CCDC197: variants seen among roughly 807,000 people sequenced by gnomAD.
CCDC197 encodes coiled-coil domain containing 197.
A neutral mutation model predicts 13.4 loss-of-function variants in CCDC197; 24 were observed. That is an observed-to-expected ratio of 1.80 (90% CI 1.30 to 2.53). The LOEUF (loss-of-function observed/expected upper bound fraction) is 2.53. CCDC197 is among the 30% of genes most tolerant of loss of function. The pLI is 0.00. For missense variants in CCDC197, 255 were observed against 148.8 expected (o/e 1.71, Z -3.71); for synonymous variants, 99 against 55.5 (o/e 1.78, Z -3.48).
At chr14:94,000,732 T>C (rs1890468791) in intron 3 of CCDC197, 1 of 156,032 alleles carries the variant, frequency 6.4e-6, no homozygotes, top group Admixed American at 6.5e-5. Context: ...ACCTTCCTAA[T>C]TCAGCAATTC....
chr14:93,999,749 T>G, intron 3 of CCDC197, 84 bp downstream of exon 3: 1 of 753,338 alleles, frequency 1.3e-6, no homozygotes, highest in Non-Finnish European at 2.5e-6. Flanking sequence ...TGTGGCCTCA[T>G]GGAGCCACGA....
At chr14:93,998,451 G>A (rs1182214953) in intron 2 of CCDC197, among the ~76,000 whole-genome samples, 1 of 152,200 alleles carries the variant, frequency 6.6e-6, no homozygotes, top group Non-Finnish European at 1.5e-5. Flanking sequence ...CTGAGATCTT[G>A]GGCCAGTCCC....
chr14:93,991,059 C>T (rs771231488), intron 1 of CCDC197, among the ~76,000 whole-genome samples: 9 of 152,156 alleles, frequency 5.9e-5, no homozygotes, highest in Non-Finnish European at 1.2e-4. Context: ...TGCTGAAGCA[C>T]GACTCTATCA....
chr14:93,992,707 C>T (rs1030361790), upstream of CCDC197, among the ~76,000 whole-genome samples: 1 of 152,218 alleles, frequency 6.6e-6, no homozygotes, highest in Admixed American at 6.5e-5. Flanking sequence ...CCTCCATCCT[C>T]CACCACGGGA....
chr14:94,002,641 T>C (rs1192837166), intron 4 of CCDC197, among the ~76,000 whole-genome samples: 2 of 152,072 alleles, frequency 1.3e-5, no homozygotes, highest in African/African-American at 2.4e-5. Flanking sequence ...TCATTCGAGG[T>C]CAGGAGTTCA....
chr14:93,999,808 T>C (rs985900296), intron 3 of CCDC197, 143 bp downstream of exon 3: 1 of 633,326 alleles, frequency 1.6e-6, no homozygotes. Context: ...CCCACAGTAG[T>C]GGGGAAGGGC....
chr14:93,994,641 A>C (rs1890253395), upstream of CCDC197, among the ~76,000 whole-genome samples: 1 of 152,200 alleles, frequency 6.6e-6, no homozygotes, highest in Non-Finnish European at 1.5e-5. Context: ...CTGGAAAACA[A>C]ATAGTGCCAC....
intron 3 of CCDC197, 147 bp from the exon 4 acceptor site, chr14:94,000,998 A>G: frequency 4.0e-6 from 2 of 506,110 alleles, no homozygotes; most frequent in Admixed American, 3.7e-5. Flanking sequence ...CAAGCCCGGG[A>G]CCATCCTACT....
At chr14:94,010,369 A>C (rs1185544583), downstream of CCDC197, among the ~76,000 whole-genome samples, 1 of 152,096 alleles carries the variant, frequency 6.6e-6, no homozygotes, top group East Asian at 1.9e-4. Context: ...ATGCCTGGCT[A>C]ATTTTTATAT....
intron 1 of CCDC197, among the ~76,000 whole-genome samples, chr14:93,990,328 G>C (rs1179223184): frequency 2.6e-5 from 4 of 152,136 alleles, no homozygotes; most frequent in African/African-American, 9.7e-5. Flanking sequence ...GGCTTTCAGA[G>C]TACCACTCTC....
chr14:94,006,714 C>T (rs1035612609), intron 6 of CCDC197, among the ~76,000 whole-genome samples: 2 of 152,012 alleles, frequency 1.3e-5, no homozygotes, highest in African/African-American at 4.8e-5. Context: ...GATACAGGTC[C>T]CTTATCAAAT....
intron 4 of CCDC197, 32 bp downstream of exon 4, chr14:94,001,355 C>G (rs1168075416): frequency 5.6e-6 from 4 of 718,848 alleles, no homozygotes; most frequent in Non-Finnish European, 1.0e-5. Flanking sequence ...CTCCATTCCC[C>G]GTGGCCCAGG....
intron 6 of CCDC197, chr14:94,007,141 T>C (rs1183869093): frequency 6.6e-6 from 1 of 152,244 alleles, no homozygotes; most frequent in Admixed American, 6.5e-5. Context: ...CCAACAGTTT[T>C]ACTTTGGGTA....
chr14:94,000,487 G>T (rs911210168), intron 3 of CCDC197, among the ~76,000 whole-genome samples: 4 of 152,162 alleles, frequency 2.6e-5, no homozygotes, highest in Admixed American at 6.5e-5. Context: ...CTCTCATGGG[G>T]CTCAAATGGG....
At chr14:93,991,539 C>T (rs186992516) in intron 1 of CCDC197, among the ~76,000 whole-genome samples, 29 of 152,354 alleles carry the variant, frequency 1.9e-4, no homozygotes, top group South Asian at 6.2e-4. Context: ...ATCTATCGAG[C>T]GCCTGCTGTG....
At chr14:94,001,462 C>T (rs1890506508) in intron 4 of CCDC197, 139 bp downstream of exon 4, 2 of 554,488 alleles carry the variant, frequency 3.6e-6, no homozygotes, top group East Asian at 3.1e-5. Context: ...GGGGCTGTCG[C>T]TCCTGAGCCG....
In CCDC197 at chr14:93,998,248, C is replaced by T. The variant is rs776913222; in HGVS notation, c.104+13C>T. On this transcript the variant is annotated intron_variant, in intron 2 of 6. Transcript: ENST00000636493. Reference sequence around the variant, plus strand: ...AGCTCCAGGCTAAGTATGTGTTGTCCCACCCCTGCCCCAGCCCCAGCCCCA... The same window carrying T: ...AGCTCCAGGCTAAGTATGTGTTGTCTCACCCCTGCCCCAGCCCCAGCCCCA... 1.8e-5 allele frequency: 14 copies of T among 776,790 alleles called. No homozygotes were observed. The highest frequency in any genetic ancestry group is 6.8e-5 in the African/African-American group (4 of 59,056). The allele number at this position is 776,790 out of a possible 1,614,324, so 48.1% of individuals were successfully genotyped here. A position where few individuals can be genotyped will look rare whatever the true frequency, so the allele number is the denominator to read the frequency against.
At chr14:93,992,167 C>T (rs10140244) in intron 1 of CCDC197, among the ~76,000 whole-genome samples, 3 of 151,990 alleles carry the variant, frequency 2.0e-5, no homozygotes, top group Admixed American at 6.5e-5. Context: ...CAGGGAAATG[C>T]GGAGATCTGG....
chr14:93,999,440 C>T, intron 2 of CCDC197, 143 bp from the exon 3 acceptor site: 3 of 636,632 alleles, frequency 4.7e-6, no homozygotes, highest in Non-Finnish European at 8.4e-6. Flanking sequence ...ACTCCTAAGT[C>T]TATGGCCAAC....
Sources: gnomAD v4.1 joint callset for allele counts (sites outside exome capture counted in the v4.1 genomes callset) on GRCh38, gnomAD v4.1.1 for gene constraint, MANE v1.5 for transcripts, NCBI Gene and HGNC (gene_info 2026-07-23, HGNC 2026-07-21) for gene names.